ARAP2: variants seen among roughly 807,000 people sequenced by gnomAD.
The protein encoded by ARAP2 is ArfGAP with RhoGAP domain, ankyrin repeat and PH domain 2.
A neutral mutation model predicts 194.5 loss-of-function variants in ARAP2; 148 were observed. The ratio of observed to expected loss-of-function variants is 0.76; its 90% CI spans 0.67 to 0.87. ARAP2 has a LOEUF of 0.87. Among genes scored for constraint, ARAP2 ranks in the 40% least tolerant of loss-of-function variants. The probability of loss-of-function intolerance (pLI) is 0.00; values close to 1 mark genes in which losing one functional copy is unlikely to be tolerated. For synonymous variants in ARAP2, 695 were observed against 683.5 expected (o/e 1.02, Z -0.26); for missense variants, 2,128 against 1,989.7 (o/e 1.07, Z -1.32).
intron 6 of ARAP2, among the ~76,000 whole-genome samples, chr4:36,197,958 T>C (rs576811855): frequency 3.5e-4 from 49 of 140,166 alleles, no homozygotes; most frequent in East Asian, 3.0e-3. Flanking sequence ...GCTCTTCTCC[T>C]TGTTTTCACC....
chr4:36,005,946 C>G (rs1316266782), intron 10 of ARAP2: 2 of 152,144 alleles, frequency 1.3e-5, no homozygotes, highest in East Asian at 1.9e-4. Context: ...GTAGAGAAAC[C>G]ATTTGATGCA....
intron 31 of ARAP2, among the ~76,000 whole-genome samples, chr4:36,075,126 TA>T (rs760656739): frequency 1.6e-4 from 25 of 152,116 alleles, no homozygotes; most frequent in Non-Finnish European, 2.9e-4. Context: ...TCCCAAAACA[TA>T]AACCTGGGAG....
At chr4:36,118,455 A>G (rs1721923187) in intron 24 of ARAP2, among the ~76,000 whole-genome samples, 1 of 151,344 alleles carries the variant, frequency 6.6e-6, no homozygotes, top group Non-Finnish European at 1.5e-5. Flanking sequence ...AAATTTAAGT[A>G]AAAAAACAGA....
intron 5 of ARAP2, 150 bp from the exon 6 acceptor site, chr4:36,210,893 A>G (rs1345910335): frequency 1.7e-6 from 1 of 582,790 alleles, no homozygotes; most frequent in African/African-American, 1.9e-5. Flanking sequence ...AATTTTTTAA[A>G]CTCTTCCAGA....
chr4:36,083,135 C>T (rs774966176), intron 29 of ARAP2, among the ~76,000 whole-genome samples: 2 of 152,038 alleles, frequency 1.3e-5, no homozygotes, highest in Non-Finnish European at 2.9e-5. Flanking sequence ...AGAGAGATTG[C>T]AATCACCAAG....
intron 21 of ARAP2, among the ~76,000 whole-genome samples, chr4:36,126,142 T>C (rs1269689988): frequency 6.6e-6 from 1 of 151,984 alleles, no homozygotes; most frequent in African/African-American, 2.4e-5. Context: ...TGACTCTCTA[T>C]AAGAAAGAGG....
intron 7 of ARAP2, among the ~76,000 whole-genome samples, chr4:36,189,712 C>A (rs1741433960): frequency 6.6e-6 from 1 of 152,178 alleles, no homozygotes; most frequent in Non-Finnish European, 1.5e-5. Flanking sequence ...TCCTCCAGCT[C>A]TACCAACTTT....
chr4:36,045,539 G>T (rs74431684), intron 5 of ARAP2, among the ~76,000 whole-genome samples: 1 of 152,118 alleles, frequency 6.6e-6, no homozygotes, highest in Admixed American at 6.5e-5. Context: ...AGGCTGGGGG[G>T]TTGGAAAGAA....
chr4:36,217,645 A>C (rs1748236563), intron 2 of ARAP2, among the ~76,000 whole-genome samples: 1 of 152,112 alleles, frequency 6.6e-6, no homozygotes, highest in Non-Finnish European at 1.5e-5. Context: ...AAACAAAATG[A>C]AACATTAAAA....
intron 6 of ARAP2, among the ~76,000 whole-genome samples, chr4:36,202,701 G>A (rs958560277): frequency 3.9e-5 from 6 of 152,046 alleles, no homozygotes; most frequent in African/African-American, 1.2e-4. Context: ...AAAATACAAC[G>A]TGAACCAGCT....
At chr4:36,064,104 A>G (rs1371949789), downstream of ARAP2, among the ~76,000 whole-genome samples, 7 of 152,240 alleles carry the variant, frequency 4.6e-5, no homozygotes, top group Non-Finnish European at 7.3e-5. Context: ...TAGAAATCAA[A>G]TATTTAAAAA....
At chr4:36,109,163 G>GA (rs984901002) in intron 26 of ARAP2, among the ~76,000 whole-genome samples, 2 of 151,830 alleles carry the variant, frequency 1.3e-5, no homozygotes, top group African/African-American at 4.8e-5. Context: ...TTTCAGATAA[G>GA]AAAATAAATT....
At chr4:36,017,564 T>TAAAAAAAACAAAAAAAAAAAAAA (rs1716068682) in intron 6 of ARAP2, among the ~76,000 whole-genome samples, 1 of 42,578 alleles carries the variant, frequency 2.3e-5, no homozygotes, top group Non-Finnish European at 3.8e-5. Context: ...AAGAAAGTGG[T>TAAAAAAAACAAAAAAAAAAAAAA]AAAAAAAAAA....
chr4:36,239,418 G>T (rs572682034), intron 1 of ARAP2, among the ~76,000 whole-genome samples: 83 of 150,750 alleles, frequency 5.5e-4, no homozygotes, highest in Non-Finnish European at 9.4e-4. Flanking sequence ...AATAAAGTGT[G>T]GTATATACAC....
chr4:36,151,196 A>C, intron 15 of ARAP2, 152 bp from the exon 16 acceptor site: 1 of 713,410 alleles, frequency 1.4e-6, no homozygotes, highest in Non-Finnish European at 2.2e-6. Flanking sequence ...GCTGCATGGG[A>C]TATAAAGTTG....
Position 36,228,673 on chromosome 4 carries a change from T to C in ARAP2, c.814A>G (p.Ser272Gly). ...CGAGATGGTCTTGAAACCAACTTGC[T>C]ACGACTTCTCACAGGTGCTAGGATT... Reference protein sequence around the residue: ...SPILAPVRSRSKLVSRPSRSF... With the variant: ...SPILAPVRSRGKLVSRPSRSF... Residue 272 changes from serine to glycine, a missense_variant, in exon 2 of 33, where the codon AGC becomes GGC. By Grantham distance (56) the Ser-to-Gly change is moderately conservative. Coordinates refer to ENST00000303965, the MANE Select transcript of ARAP2 (RefSeq NM_015230.4). 1.2e-6 allele frequency: 2 copies of C among 1,614,100 alleles called. No individual in the cohort carries two copies. Among genetic ancestry groups the C allele is most frequent in the African/African-American group, 1.3e-5 (1 of 75,052 alleles).
chr4:36,125,256 T>C (rs1723617660), intron 21 of ARAP2, among the ~76,000 whole-genome samples: 1 of 151,998 alleles, frequency 6.6e-6, no homozygotes, highest in Admixed American at 6.6e-5. Flanking sequence ...TTTTATCTTC[T>C]ACTTTATGGA....
chr4:36,124,783 G>T, intron 22 of ARAP2, 79 bp downstream of exon 22: 1 of 882,850 alleles, frequency 1.1e-6, no homozygotes, highest in Non-Finnish European at 1.8e-6. Context: ...TACGTAGAAA[G>T]ATTCACAATC....
chr4:36,117,615 G>A (rs1305675781), intron 24 of ARAP2, among the ~76,000 whole-genome samples: 1 of 151,576 alleles, frequency 6.6e-6, no homozygotes, highest in Non-Finnish European at 1.5e-5. Context: ...TTAAAGAGAA[G>A]ATATGCCTGA....
Sources: allele counts gnomAD v4.1 joint callset (sites outside exome capture counted in the v4.1 genomes callset), GRCh38; gene constraint gnomAD v4.1.1; transcripts MANE v1.5; gene names NCBI Gene and HGNC (gene_info 2026-07-23, HGNC 2026-07-21).